NPAS3: variants seen among roughly 807,000 people sequenced by gnomAD.
NPAS3 encodes the protein neuronal PAS domain-containing protein 3.
A neutral mutation model predicts 73.1 loss-of-function variants in NPAS3; 14 were observed. The observed-to-expected ratio is 0.19, with a 90% CI of 0.13 to 0.30. The LOEUF (loss-of-function observed/expected upper bound fraction) is 0.30, where lower values mean the gene tolerates loss of function less well. Ranked by LOEUF, NPAS3 falls within the 10% of genes least tolerant of loss-of-function variation. NPAS3 has a pLI of 1.00. For synonymous variants in NPAS3, 620 were observed against 541.5 expected (o/e 1.14, Z -2.01); for missense variants, 1,096 against 1,250.0 (o/e 0.88, Z 1.86).
intron 4 of NPAS3, among the ~76,000 whole-genome samples, chr14:33,446,711 T>C (rs1039614938): frequency 7.2e-5 from 11 of 152,252 alleles, no homozygotes; most frequent in African/African-American, 2.4e-4. Flanking sequence ...TAATGTCTTA[T>C]AGGATTTATT....
intron 2 of NPAS3, among the ~76,000 whole-genome samples, chr14:33,093,769 C>T (rs1470227467): frequency 1.3e-5 from 2 of 152,120 alleles, no homozygotes; most frequent in African/African-American, 4.8e-5. Flanking sequence ...CACATATACA[C>T]CATGGAATAC....
intron 6 of NPAS3, among the ~76,000 whole-genome samples, chr14:33,706,509 G>A (rs772644244): frequency 1.3e-5 from 2 of 152,120 alleles, no homozygotes; most frequent in African/African-American, 2.4e-5. Context: ...TCATGATCCA[G>A]GAAGATAGAA....
chr14:33,579,178 A>T (rs2056564000), intron 5 of NPAS3, among the ~76,000 whole-genome samples: 1 of 152,246 alleles, frequency 6.6e-6, no homozygotes. Context: ...CACCTCCCTG[A>T]TGGAGAGGCG....
At chr14:33,407,642 C>T (rs1385863957) in intron 4 of NPAS3, among the ~76,000 whole-genome samples, 2 of 152,086 alleles carry the variant, frequency 1.3e-5, no homozygotes, top group East Asian at 3.9e-4. Flanking sequence ...TAAATTACTG[C>T]TTACTCCTTT....
chr14:33,513,599 G>A (rs928990981), intron 4 of NPAS3, among the ~76,000 whole-genome samples: 27 of 152,012 alleles, frequency 1.8e-4, no homozygotes, highest in African/African-American at 5.8e-4. Context: ...ACACAGCTAC[G>A]AAGTGGTAAA....
At chr14:33,089,740 G>A (rs1238442466) in intron 2 of NPAS3, among the ~76,000 whole-genome samples, 1 of 152,152 alleles carries the variant, frequency 6.6e-6, no homozygotes, top group Non-Finnish European at 1.5e-5. Flanking sequence ...GTTAAGGGCA[G>A]CCAGAGAGAA....
intron 3 of NPAS3, among the ~76,000 whole-genome samples, chr14:33,216,957 G>A (rs1344911489): frequency 6.6e-6 from 1 of 151,944 alleles, no homozygotes; most frequent in African/African-American, 2.4e-5. Context: ...ACCAATTCAT[G>A]TTCTAGATTG....
At chr14:33,130,056 T>C (rs1161259696) in intron 2 of NPAS3, among the ~76,000 whole-genome samples, 1 of 152,200 alleles carries the variant, frequency 6.6e-6, no homozygotes, top group African/African-American at 2.4e-5. Context: ...GTGCTACTGT[T>C]TGCTAAGCAG....
chr14:33,203,333 ATT>A (rs992343045), intron 2 of NPAS3, among the ~76,000 whole-genome samples: 1 of 151,910 alleles, frequency 6.6e-6, no homozygotes, highest in African/African-American at 2.4e-5. Flanking sequence ...TTATTTATGT[ATT>A]TTTGTTTTTT....
intron 4 of NPAS3, among the ~76,000 whole-genome samples, chr14:33,369,595 AAAGATGCTTTCAAGAAAGGC>A (rs146392705): frequency 0.062 from 9,444 of 152,194 alleles, 326 homozygotes; most frequent in Middle Eastern, 0.13. Context: ...ATGGCTTGGT[AAAGATGCTTTCAAGAAAGGC>A]ATCTAAGCAT....
chr14:33,331,596 A>C, intron 3 of NPAS3, among the ~76,000 whole-genome samples: 1 of 146,222 alleles, frequency 6.8e-6, no homozygotes. Flanking sequence ...CCTCGGTGCT[A>C]TTACTGTTTC....
intron 1 of NPAS3, among the ~76,000 whole-genome samples, chr14:32,982,048 C>A (rs2037919297): frequency 6.6e-6 from 1 of 152,092 alleles, no homozygotes; most frequent in African/African-American, 2.4e-5. Context: ...TTTTATGTTG[C>A]TATAGCAGAA....
intron 4 of NPAS3, among the ~76,000 whole-genome samples, chr14:33,433,884 C>G (rs2048875953): frequency 6.6e-6 from 1 of 152,168 alleles, no homozygotes. Flanking sequence ...ATGATTGTTT[C>G]AGAACAGTTT....
At chr14:33,337,176 T>A (rs2044266157) in intron 3 of NPAS3, among the ~76,000 whole-genome samples, 1 of 152,174 alleles carries the variant, frequency 6.6e-6, no homozygotes, top group Non-Finnish European at 1.5e-5. Context: ...AAAACAATTT[T>A]ATGTTTTGTT....
intron 4 of NPAS3, among the ~76,000 whole-genome samples, chr14:33,521,062 G>A (rs539318183): frequency 6.6e-5 from 10 of 152,110 alleles, no homozygotes; most frequent in Admixed American, 1.3e-4. Flanking sequence ...TGAAGCTTGT[G>A]CCTTTTGCTG....
chr14:33,487,891 T>C (rs916867035), intron 4 of NPAS3, among the ~76,000 whole-genome samples: 5 of 152,192 alleles, frequency 3.3e-5, no homozygotes, highest in African/African-American at 1.2e-4. Flanking sequence ...TACTGAATAA[T>C]TATTTCTGAT....
intron 1 of NPAS3, among the ~76,000 whole-genome samples, chr14:33,043,325 A>G (rs1352220102): frequency 1.3e-5 from 2 of 152,152 alleles, no homozygotes; most frequent in Non-Finnish European, 1.5e-5. Context: ...CTTTATTCCA[A>G]TTAAATTCTC....
chr14:33,204,230 A>G (rs1175139248), intron 2 of NPAS3, among the ~76,000 whole-genome samples: 2 of 152,182 alleles, frequency 1.3e-5, no homozygotes, highest in Non-Finnish European at 2.9e-5. Flanking sequence ...TCTGTGTGAA[A>G]TATCATGACC....
At chr14:33,451,176 G>A (rs138502959) in intron 4 of NPAS3, among the ~76,000 whole-genome samples, 3,632 of 152,228 alleles carry the variant, frequency 0.024, 56 homozygotes, top group Non-Finnish European at 0.038. Context: ...ATAAATATTT[G>A]TAGAATACAA....
Sources: gnomAD v4.1 joint callset for allele counts (sites outside exome capture counted in the v4.1 genomes callset) on GRCh38, gnomAD v4.1.1 for gene constraint, MANE v1.5 for transcripts, NCBI Gene and HGNC (gene_info 2026-07-23, HGNC 2026-07-21) for gene names.